NARS1: variants seen among roughly 807,000 people sequenced by gnomAD.
The protein encoded by NARS1 is asparagine--tRNA ligase, cytoplasmic.
Under a neutral mutation model 79.2 loss-of-function variants are expected in NARS1, and 65 were observed. The ratio of observed to expected loss-of-function variants is 0.82; its 90% CI spans 0.67 to 1.01. The LOEUF (loss-of-function observed/expected upper bound fraction) is 1.01. NARS1 is among the 50% of genes least tolerant of loss of function. NARS1 has a pLI of 0.00. For missense variants in NARS1, 649 were observed against 673.8 expected (o/e 0.96, Z 0.41); for synonymous variants, 229 against 238.8 (o/e 0.96, Z 0.38).
chr18:57,613,494 GA>G (rs1327546580), intron 5 of NARS1, 107 bp downstream of exon 5: 43 of 965,426 alleles, frequency 4.5e-5, no homozygotes, highest in Non-Finnish European at 5.4e-5. Flanking sequence ...CTGTGTCTAA[GA>G]AAAAAAGGGG....
chr18:57,620,676 T>C (rs371371164), intron 1 of NARS1, 25 bp from the exon 2 acceptor site: 22 of 1,502,520 alleles, frequency 1.5e-5, no homozygotes, highest in Non-Finnish European at 2.0e-5. Flanking sequence ...GAGGGTAAGT[T>C]ATGGTCTGGC....
At chr18:57,613,893 A>T (rs317818) in intron 4 of NARS1, among the ~76,000 whole-genome samples, 2 of 152,188 alleles carry the variant, frequency 1.3e-5, no homozygotes, top group Non-Finnish European at 2.9e-5. Flanking sequence ...TTCTTTCTTA[A>T]TGTAAAACTG....
rs1300920135 is a variant in NARS1, at chr18:57,610,887, C to T, written c.492+750G>A. Among the ~76,000 whole-genome samples the T allele has an allele frequency of 2.0e-5, 3 of 150,954 alleles. No homozygotes were observed. In the South Asian group the frequency reaches 6.2e-4, roughly 31 times the overall value. On this transcript the variant is annotated intron_variant, in intron 6 of 13. Coordinates refer to ENST00000256854, the MANE Select transcript of NARS1 (RefSeq NM_004539.4). ...ATAAAAAGGCAGTACGAACTGATAA[C>T]AAGAATCTGGATATTAGATGATATT... is the stretch of plus-strand genomic sequence containing the variant.
rs370522294 is a variant in NARS1, at chr18:57,606,517, G to A, written c.1137+99C>T. On this transcript the variant is annotated intron_variant, in intron 10 of 13. Transcript: ENST00000256854. ...TCAAAATAATTAGTCACTTATTTCA[G>A]CTCACCAAGCCATCAAATCTACAAA... 12 of 1,179,842 alleles carry A rather than the reference G, an allele frequency of 1.0e-5. No homozygotes were observed. The African/African-American group carries it at 1.1e-4, about 11-fold the overall frequency. The allele number at this position is 1,179,842 out of a possible 1,614,324, so 73.1% of individuals were successfully genotyped here.
chr18:57,607,613 G>T lies in NARS1; in HGVS notation c.632C>A (p.Ala211Asp). ...CAGGTTGTCAGCTCCTCCAGCAGGG[G>T]CCAACCCAATTAGTTCCCAGAAGTC... ...SCDFWELIGL[A>D]PAGGADNLIN... The change falls in exon 8 of 14, where the codon GCC becomes GAC. Residue 211 changes from alanine to aspartate, a missense_variant. Coordinates refer to ENST00000256854, the MANE Select transcript of NARS1 (RefSeq NM_004539.4). The T allele has an allele frequency of 2.5e-6, 4 of 1,614,074 alleles. No individual in the cohort carries two copies. The South Asian group carries it at 3.3e-5, about 13-fold the overall frequency.
Position 57,605,976 on chromosome 18 carries a change from G to A in NARS1, c.1138-6C>T. 1 of 1,568,054 alleles carries A rather than the reference G, an allele frequency of 6.4e-7. No homozygotes were observed. The highest frequency in any genetic ancestry group is 8.8e-7 in the Non-Finnish European group (1 of 1,141,916). The stretch of plus-strand genomic sequence containing the variant: ...CGTTTGGGGGGCTGAAAGTTCTACA[G>A]AAGAAAGGAAAAATATAATGTGTAT... On this transcript the variant is annotated splice_polypyrimidine_tract_variant and splice_region_variant and intron_variant, in intron 10 of 13. Transcript: ENST00000256854.
chr18:57,608,834 G>A (rs1474830189), intron 7 of NARS1, among the ~76,000 whole-genome samples: 1 of 152,206 alleles, frequency 6.6e-6, no homozygotes, highest in Non-Finnish European at 1.5e-5. Context: ...AGTGGTCTGG[G>A]AGAGGCAGAC....
chr18:57,607,449 A>G lies in NARS1; in HGVS notation c.796T>C (p.Tyr266His). 4 of 1,613,888 alleles carry G rather than the reference A, an allele frequency of 2.5e-6. No individual in the cohort carries two copies. The East Asian group carries it at 8.9e-5, about 36-fold the overall frequency. The change falls in exon 8 of 14, where the codon TAT (tyrosine) becomes CAT (histidine). Residue 266 changes from tyrosine to histidine, a missense_variant. Tyr to His is a moderately conservative substitution (Grantham distance 83). Transcript: ENST00000256854. ...FRDHFFDRGY[Y>H]EVTPPTLVQT... ...GCTGACGAATGCATACTTACTTCAT[A>G]GTACCCCCTATCAAAGAAGTGATCT...
At chr18:57,603,065 AC>A (rs1429722907) in intron 11 of NARS1, 122 bp from the exon 12 acceptor site, 1 of 794,624 alleles carries the variant, frequency 1.3e-6, no homozygotes, top group Non-Finnish European at 2.0e-6. Context: ...ATACACACCT[AC>A]CCTTAACCCA....
rs757526478 is a variant in NARS1, at chr18:57,620,668, G to C, written c.11-17C>G. 28 of 1,575,200 alleles carry C rather than the reference G, an allele frequency of 1.8e-5. No homozygotes were observed. Among genetic ancestry groups the C allele is most frequent in the Non-Finnish European group, 2.4e-5 (28 of 1,147,532 alleles). Reference sequence around the variant, plus strand: ...ACAGCTCTGCTGTTTGACAAAATGAGGGTAAGTTATGGTCTGGCCATTAAC... The same window carrying C: ...ACAGCTCTGCTGTTTGACAAAATGACGGTAAGTTATGGTCTGGCCATTAAC... On this transcript the variant is annotated splice_polypyrimidine_tract_variant and intron_variant, in intron 1 of 13. Coordinates refer to ENST00000256854, the MANE Select transcript of NARS1 (RefSeq NM_004539.4).
In NARS1 at chr18:57,601,124, T is replaced by G. The variant is rs751413287; in HGVS notation, c.*528A>C. 1 of 152,294 alleles carries G rather than the reference T, an allele frequency of 6.6e-6. No homozygotes were observed. Among genetic ancestry groups the G allele is most frequent in the Admixed American group, 6.5e-5 (1 of 15,286 alleles). The allele number at this position is 152,294 out of a possible 1,614,324, so 9.4% of individuals were successfully genotyped here. On this transcript the variant is annotated 3_prime_UTR_variant, in exon 14 of 14. Coordinates refer to ENST00000256854, the MANE Select transcript of NARS1 (RefSeq NM_004539.4). The stretch of plus-strand genomic sequence containing the variant: ...ATAACTGATACAAAAGGCTATTCAT[T>G]TGATTCTAGTGTTTACTGCTGAATT...
At chr18:57,612,716 G>A (rs1034476497) in intron 5 of NARS1, among the ~76,000 whole-genome samples, 7 of 152,302 alleles carry the variant, frequency 4.6e-5, no homozygotes, top group African/African-American at 9.6e-5. Flanking sequence ...GATTATAGGC[G>A]TGAGCCACCG....
At chr18:57,604,075 A>AG (rs945429756) in intron 11 of NARS1, among the ~76,000 whole-genome samples, 1 of 152,212 alleles carries the variant, frequency 6.6e-6, no homozygotes, top group Non-Finnish European at 1.5e-5. Context: ...GGAACCTGAG[A>AG]GGGGGTCACT....
At chr18:57,606,021 T>C in intron 10 of NARS1, 51 bp from the exon 11 acceptor site, 3 of 1,160,792 alleles carry the variant, frequency 2.6e-6, no homozygotes, top group Non-Finnish European at 3.7e-6. Flanking sequence ...AATATAAACA[T>C]TAACACTAAA....
intron 7 of NARS1, among the ~76,000 whole-genome samples, chr18:57,608,374 T>G (rs1033377925): frequency 2.8e-5 from 4 of 141,004 alleles, no homozygotes; most frequent in African/African-American, 8.1e-5. Context: ...GAGGCAGAGG[T>G]TGTGGTGAGT....
At chr18:57,603,728 G>A (rs1158060312) in intron 11 of NARS1, among the ~76,000 whole-genome samples, 1 of 152,192 alleles carries the variant, frequency 6.6e-6, no homozygotes, top group Non-Finnish European at 1.5e-5. Flanking sequence ...CAATCACCTA[G>A]CACACCTGTT....
At position 57,621,790 on chromosome 18, in the gene NARS1, ACCGGCGGTTTCCGCGATT is replaced by A; in HGVS notation, c.-91_-74del. On this transcript the variant is annotated 5_prime_UTR_variant, in exon 1 of 14. Transcript: ENST00000256854. ...ACGCCGTCTTATGACTCCAACGTGC[ACCGGCGGTTTCCGCGATT>A]CCGGCGTTGCATCAGAGAGCGTAGA... The A allele has an allele frequency of 6.2e-7, 1 of 1,610,256 alleles. No homozygotes were observed. The highest frequency in any genetic ancestry group is 8.5e-7 in the Non-Finnish European group (1 of 1,178,994).
At chr18:57,606,121 G>C in intron 10 of NARS1, 151 bp from the exon 11 acceptor site, 1 of 492,912 alleles carries the variant, frequency 2.0e-6, no homozygotes, top group South Asian at 2.4e-5. Flanking sequence ...GGCTGAGGTG[G>C]GCAGATCACT....
chr18:57,616,004 T>C (rs9319918), intron 2 of NARS1, 29 bp from the exon 3 acceptor site: 509,792 of 1,550,786 alleles, frequency 0.33, 89,501 homozygotes, highest in Non-Finnish European at 0.37. Flanking sequence ...AAAAGACAGT[T>C]CTTGAACATT....
Sources: allele counts gnomAD v4.1 joint callset (sites outside exome capture counted in the v4.1 genomes callset), GRCh38; gene constraint gnomAD v4.1.1; transcripts MANE v1.5; gene names NCBI Gene and HGNC (gene_info 2026-07-23, HGNC 2026-07-21).